Variants in FARS2 observed in about 807,000 individuals in gnomAD.
FARS2 encodes phenylalanine--tRNA ligase, mitochondrial.
FARS2 carries 40 observed loss-of-function variants against 46.4 expected under a neutral mutation model. That is an observed-to-expected ratio of 0.86 (90% CI 0.67 to 1.12). The LOEUF is 1.12. Ranked by LOEUF, FARS2 falls within the 50% of genes most tolerant of loss-of-function variation. FARS2 has a pLI of 0.00. For synonymous variants in FARS2, 234 were observed against 214.9 expected (o/e 1.09, Z -0.78); for missense variants, 513 against 567.9 (o/e 0.90, Z 0.98).
At chr6:5,465,803 C>CT (rs532600725) in intron 4 of FARS2, among the ~76,000 whole-genome samples, 1 of 151,584 alleles carries the variant, frequency 6.6e-6, no homozygotes, top group African/African-American at 2.4e-5. Context: ...GCATCATTAG[C>CT]TTTTTTTATT....
At chr6:5,487,538 T>C (rs1258268554) in intron 4 of FARS2, among the ~76,000 whole-genome samples, 1 of 152,206 alleles carries the variant, frequency 6.6e-6, no homozygotes, top group Non-Finnish European at 1.5e-5. Context: ...GCTATTCCCA[T>C]GTTACCCATT....
intron 2 of FARS2, among the ~76,000 whole-genome samples, chr6:5,400,320 A>G (rs1761178979): frequency 6.6e-6 from 1 of 151,672 alleles, no homozygotes; most frequent in African/African-American, 2.4e-5. Flanking sequence ...TCAACTTTTA[A>G]AAGTTTCTTT....
intron 1 of FARS2, among the ~76,000 whole-genome samples, chr6:5,272,730 G>A (rs1766050709): frequency 1.3e-5 from 2 of 151,948 alleles, no homozygotes; most frequent in South Asian, 2.1e-4. Context: ...ATAGTCTCCC[G>A]GTGATCCATC....
intron 1 of FARS2, among the ~76,000 whole-genome samples, chr6:5,342,821 A>G (rs184252647): frequency 6.6e-6 from 1 of 152,240 alleles, no homozygotes; most frequent in African/African-American, 2.4e-5. Flanking sequence ...AAAATTAAAC[A>G]TATCCCAAAT....
At chr6:5,344,885 G>GTTCAAAC (rs1223970565) in intron 1 of FARS2, among the ~76,000 whole-genome samples, 1 of 151,660 alleles carries the variant, frequency 6.6e-6, no homozygotes, top group Non-Finnish European at 1.5e-5. Context: ...CACCTCCTGG[G>GTTCAAAC]TTCAAACAAT....
chr6:5,257,995 GAGA>G (rs1201059054), upstream of FARS2, among the ~76,000 whole-genome samples: 4 of 152,196 alleles, frequency 2.6e-5, no homozygotes, highest in African/African-American at 9.7e-5. Flanking sequence ...CTTTTGTTCA[GAGA>G]AGGTGACAAT....
At chr6:5,374,486 C>G (rs935102530) in intron 2 of FARS2, among the ~76,000 whole-genome samples, 1 of 152,018 alleles carries the variant, frequency 6.6e-6, no homozygotes, top group Non-Finnish European at 1.5e-5. Context: ...AAATTAATAG[C>G]CTTTCCTCCA....
At chr6:5,648,965 T>A (rs1215813192) in intron 6 of FARS2, among the ~76,000 whole-genome samples, 1 of 152,164 alleles carries the variant, frequency 6.6e-6, no homozygotes, top group Non-Finnish European at 1.5e-5. Context: ...AAAACAACAT[T>A]GTCCTGTAAT....
In FARS2 at chr6:5,549,000, C is replaced by G. The variant is rs1489874684; in HGVS notation, c.1065+3660C>G. On this transcript the variant is annotated intron_variant, in intron 5 of 6. Coordinates refer to ENST00000274680, the MANE Select transcript of FARS2 (RefSeq NM_006567.5). ...ATTAGTATCTATTCTTGTTAGTTTC[C>G]TGTTGCTTAGGTAACCAGTTACCAC... Among the ~76,000 whole-genome samples, 3 of 151,984 alleles carry G rather than the reference C, an allele frequency of 2.0e-5. No individual in the cohort carries two copies. The South Asian group carries it at 6.2e-4, about 32-fold the overall frequency.
intron 4 of FARS2, among the ~76,000 whole-genome samples, chr6:5,510,870 G>A (rs372962216): frequency 3.9e-5 from 6 of 152,150 alleles, no homozygotes; most frequent in African/African-American, 1.2e-4. Context: ...ATGGCAGGCC[G>A]ATGCCTAGGA....
intron 5 of FARS2, among the ~76,000 whole-genome samples, chr6:5,550,672 C>T (rs942065605): frequency 6.6e-6 from 1 of 152,292 alleles, no homozygotes; most frequent in East Asian, 1.9e-4. Flanking sequence ...TTCTTTCCTT[C>T]TCTTTTTGTT....
chr6:5,501,259 T>C (rs1767784347), intron 4 of FARS2, among the ~76,000 whole-genome samples: 1 of 152,118 alleles, frequency 6.6e-6, no homozygotes, highest in African/African-American at 2.4e-5. Flanking sequence ...ATAACACCTA[T>C]TTCAGAGATA....
At chr6:5,467,415 A>G (rs1765569175) in intron 4 of FARS2, among the ~76,000 whole-genome samples, 1 of 152,224 alleles carries the variant, frequency 6.6e-6, no homozygotes, top group Non-Finnish European at 1.5e-5. Context: ...CTAGAGTCCT[A>G]CAAGCTTATG....
At chr6:5,442,496 G>A (rs920180262) in intron 4 of FARS2, among the ~76,000 whole-genome samples, 14 of 151,892 alleles carry the variant, frequency 9.2e-5, no homozygotes, top group African/African-American at 3.1e-4. Context: ...TCACTTCACC[G>A]GGGATTGTGT....
the FARS2 span, among the ~76,000 whole-genome samples, chr6:5,255,994 G>GT: frequency 6.6e-6 from 1 of 151,826 alleles, no homozygotes; most frequent in East Asian, 1.9e-4. Flanking sequence ...ACTATCCTAA[G>GT]TACTTGATGT....
At chr6:5,443,768 T>C (rs200198) in intron 4 of FARS2, among the ~76,000 whole-genome samples, 69,136 of 152,088 alleles carry the variant, frequency 0.45, 16,853 homozygotes, top group African/African-American at 0.62. Flanking sequence ...AAAACATACA[T>C]TGTAGTTGTC....
At chr6:5,645,956 C>G (rs1240180952) in intron 6 of FARS2, among the ~76,000 whole-genome samples, 3 of 152,128 alleles carry the variant, frequency 2.0e-5, no homozygotes, top group Non-Finnish European at 2.9e-5. Flanking sequence ...ATGTTTTTTA[C>G]TTAGTTTAAC....
chr6:5,539,394 ATATATG>A (rs1437890582), intron 4 of FARS2, among the ~76,000 whole-genome samples: 1 of 140,556 alleles, frequency 7.1e-6, no homozygotes, highest in African/African-American at 2.8e-5. Context: ...GTATATATAT[ATATATG>A]TATATATTTT....
At chr6:5,548,689 A>G (rs1039288570) in intron 5 of FARS2, among the ~76,000 whole-genome samples, 1 of 152,244 alleles carries the variant, frequency 6.6e-6, no homozygotes, top group Non-Finnish European at 1.5e-5. Flanking sequence ...CTTAAATTCA[A>G]TTTTAAGTGT....
Sources: gnomAD v4.1 joint callset for allele counts (sites outside exome capture counted in the v4.1 genomes callset) on GRCh38, gnomAD v4.1.1 for gene constraint, MANE v1.5 for transcripts, NCBI Gene and HGNC (gene_info 2026-07-23, HGNC 2026-07-21) for gene names.